BMP5: variants seen among roughly 807,000 people sequenced by gnomAD.
BMP5 encodes bone morphogenetic protein 5.
BMP5 carries 23 observed loss-of-function variants against 46.6 expected under a neutral mutation model. The ratio of observed to expected loss-of-function variants is 0.49; its 90% confidence interval spans 0.35 to 0.70. The LOEUF (loss-of-function observed/expected upper bound fraction) is 0.70. BMP5 is among the 30% of genes least tolerant of loss of function. The pLI is 0.00. For missense variants in BMP5, 545 were observed against 565.6 expected (o/e 0.96, Z 0.37); for synonymous variants, 204 against 191.9 (o/e 1.06, Z -0.52).
chr6:55,819,582 T>G, intron 2 of BMP5, 73 bp downstream of exon 2: 4 of 1,203,684 alleles, frequency 3.3e-6, no homozygotes, highest in Non-Finnish European at 4.8e-6. Flanking sequence ...ATAGATCACA[T>G]GAGTTATCAA....
intron 4 of BMP5, among the ~76,000 whole-genome samples, chr6:55,762,697 A>G (rs1258005249): frequency 6.6e-6 from 1 of 152,134 alleles, no homozygotes; most frequent in Non-Finnish European, 1.5e-5. Context: ...TGATTCTACT[A>G]TTGGTTTGAT....
chr6:55,854,483 T>C (rs568284710), intron 1 of BMP5, among the ~76,000 whole-genome samples: 11 of 152,192 alleles, frequency 7.2e-5, no homozygotes, highest in Admixed American at 2.6e-4. Flanking sequence ...CATACACATA[T>C]ATGTATATGT....
intron 2 of BMP5, among the ~76,000 whole-genome samples, chr6:55,811,902 C>T (rs116772577): frequency 6.6e-6 from 1 of 152,140 alleles, no homozygotes; most frequent in Non-Finnish European, 1.5e-5. Context: ...TCGTTCTTAG[C>T]ACATTGTATT....
intron 1 of BMP5, among the ~76,000 whole-genome samples, chr6:55,820,397 A>C (rs1427830007): frequency 6.6e-6 from 1 of 151,770 alleles, no homozygotes; most frequent in African/African-American, 2.4e-5. Flanking sequence ...CTTTTCAGCA[A>C]ATAAAATATT....
chr6:55,807,479 G>A lies in BMP5; in HGVS notation c.683+12176C>T, dbSNP rs370389358. Among the ~76,000 whole-genome samples, 77 of 152,262 alleles carry A rather than the reference G, an allele frequency of 5.1e-4. No homozygotes were observed. The South Asian group carries it at 0.016, about 31-fold the overall frequency. Reference sequence around the variant, plus strand: ...AATCGGTTTGCCAGTATTTTATTGAGGATTTTCACATCGATGTTCATTAGG... The same window carrying A: ...AATCGGTTTGCCAGTATTTTATTGAAGATTTTCACATCGATGTTCATTAGG... On this transcript the variant is annotated intron_variant, in intron 2 of 6. Transcript: ENST00000370830.
At chr6:55,760,431 C>T (rs1349421222) in intron 5 of BMP5, 26 bp downstream of exon 5, 1 of 1,600,920 alleles carries the variant, frequency 6.2e-7, no homozygotes, top group Non-Finnish European at 8.6e-7. Flanking sequence ...AGAAAAGAAG[C>T]ACCAAAGTTG....
At chr6:55,813,904 A>G (rs1308564601) in intron 2 of BMP5, among the ~76,000 whole-genome samples, 1 of 152,132 alleles carries the variant, frequency 6.6e-6, no homozygotes, top group Non-Finnish European at 1.5e-5. Context: ...TAATACAGCG[A>G]TAAACACTTT....
intron 1 of BMP5, among the ~76,000 whole-genome samples, chr6:55,846,177 G>C (rs968272089): frequency 3.9e-5 from 6 of 151,926 alleles, no homozygotes; most frequent in African/African-American, 1.4e-4. Context: ...TTACAAGAAT[G>C]TACATGAAAA....
chr6:55,778,798 A>G (rs2127523154), intron 3 of BMP5, among the ~76,000 whole-genome samples: 1 of 152,158 alleles, frequency 6.6e-6, no homozygotes, highest in South Asian at 2.1e-4. Context: ...AAGGATGTAG[A>G]TGAGGCTGGA....
intron 2 of BMP5, among the ~76,000 whole-genome samples, chr6:55,802,310 A>G (rs1267136940): frequency 6.6e-6 from 1 of 152,250 alleles, no homozygotes; most frequent in Non-Finnish European, 1.5e-5. Context: ...TCAAGAAGCC[A>G]GTAAGTGGTT....
chr6:55,830,278 T>C (rs897886687), intron 1 of BMP5, among the ~76,000 whole-genome samples: 1 of 152,090 alleles, frequency 6.6e-6, no homozygotes, highest in Non-Finnish European at 1.5e-5. Flanking sequence ...ATGATCTTCC[T>C]ACATTTTATT....
rs3839432 is a variant in BMP5, at chr6:55,790,908, TC to T, written c.832+3370del. ...TTCAGTATTAGGGCACTTTGTTATT[TC>T]TAAAATTAGCTACCTATATCTGTCT... On this transcript the variant is annotated intron_variant, in intron 3 of 6. Coordinates refer to ENST00000370830, the MANE Select transcript of BMP5 (RefSeq NM_021073.4). Among the ~76,000 whole-genome samples, 45 of 152,286 alleles carry T rather than the reference TC, an allele frequency of 3.0e-4. No individual in the cohort carries two copies. In the East Asian group the frequency reaches 5.2e-3, roughly 18 times the overall value.
chr6:55,777,672 G>T (rs1775208882), intron 3 of BMP5, among the ~76,000 whole-genome samples: 1 of 151,952 alleles, frequency 6.6e-6, no homozygotes, highest in Non-Finnish European at 1.5e-5. Context: ...ATTTAAAGAA[G>T]ATTGAGCAAT....
At chr6:55,766,541 G>GGAGTATTATACTCCA (rs1230806894) in intron 4 of BMP5, among the ~76,000 whole-genome samples, 10 of 152,034 alleles carry the variant, frequency 6.6e-5, no homozygotes, top group Non-Finnish European at 8.8e-5. Context: ...TCCAATCTAT[G>GGAGTATTATACTCCA]ATCTTCATTG....
intron 1 of BMP5, among the ~76,000 whole-genome samples, chr6:55,868,509 T>C (rs1387306308): frequency 1.3e-5 from 2 of 152,202 alleles, no homozygotes; most frequent in African/African-American, 4.8e-5. Context: ...GGGTTTTTTG[T>C]TTGTTTGTTT....
chr6:55,835,955 A>G (rs1182556334), intron 1 of BMP5, among the ~76,000 whole-genome samples: 2 of 152,204 alleles, frequency 1.3e-5, no homozygotes, highest in African/African-American at 4.8e-5. Context: ...ATACCACTGT[A>G]TGTTTTCAAT....
chr6:55,791,310 A>G (rs1401600591), intron 3 of BMP5, among the ~76,000 whole-genome samples: 2 of 152,222 alleles, frequency 1.3e-5, no homozygotes, highest in African/African-American at 4.8e-5. Flanking sequence ...CCAAGGCCCT[A>G]TCTCTTCCAC....
At chr6:55,758,351 T>C (rs1422988218) in intron 6 of BMP5, among the ~76,000 whole-genome samples, 1 of 151,768 alleles carries the variant, frequency 6.6e-6, no homozygotes, top group Admixed American at 6.6e-5. Context: ...TCTCAATAGG[T>C]TTCATGAGCT....
intron 1 of BMP5, among the ~76,000 whole-genome samples, chr6:55,849,345 A>G (rs1199500153): frequency 1.3e-5 from 2 of 152,176 alleles, no homozygotes; most frequent in East Asian, 1.9e-4. Context: ...ATGAACATAC[A>G]TATATGCAGA....
Sources: gnomAD v4.1 joint callset for allele counts (sites outside exome capture counted in the v4.1 genomes callset) on GRCh38, gnomAD v4.1.1 for gene constraint, MANE v1.5 for transcripts, NCBI Gene and HGNC (gene_info 2026-07-23, HGNC 2026-07-21) for gene names.